The following DDX11 variants were observed in gnomAD, a reference collection of about 807,000 sequenced individuals.
The protein encoded by DDX11 is DEAD/H-box helicase 11.
In DDX11, 72 loss-of-function variants were observed where a neutral mutation model predicts 125.2. The observed-to-expected ratio is 0.58, with a 90% CI of 0.48 to 0.70. The LOEUF (loss-of-function observed/expected upper bound fraction) is 0.70. DDX11 is among the 30% of genes least tolerant of loss of function. The pLI is 0.00. For missense variants in DDX11, 883 were observed against 1,165.0 expected, an observed-to-expected ratio of 0.76 and a Z score of 3.52; for synonymous variants, 347 against 452.6, an observed-to-expected ratio of 0.77 and a Z score of 2.96.
At chr12:31,074,829 A>G (rs990358175) in intron 1 of DDX11, among the ~76,000 whole-genome samples, 2 of 152,232 alleles carry the variant, frequency 1.3e-5, no homozygotes, top group African/African-American at 4.8e-5. Flanking sequence ...TACCTGCCAC[A>G]TAGTTGTCTT....
rs1297688005 is a variant in DDX11, at chr12:31,083,523, T to C, written c.145-290T>C. Among the ~76,000 whole-genome samples, 5 of 152,288 alleles carry C rather than the reference T, an allele frequency of 3.3e-5. No homozygotes were observed. The East Asian group carries it at 9.6e-4, about 29-fold the overall frequency. On this transcript the variant is annotated intron_variant, in intron 2 of 26. Coordinates refer to ENST00000542838, the MANE Select transcript of DDX11 (RefSeq NM_030653.4). ...CTCCCCTTCTTCTAATTATGTGCGA[T>C]ATTTACATAGAATCTGATAAACTGC...
At chr12:31,079,758 C>G (rs1391310377) in intron 2 of DDX11, among the ~76,000 whole-genome samples, 1 of 152,194 alleles carries the variant, frequency 6.6e-6, no homozygotes, top group African/African-American at 2.4e-5. Flanking sequence ...TGGTGGCTGG[C>G]AAGATCCAAG....
chr12:31,089,339 G>A, intron 7 of DDX11, 64 bp from the exon 8 acceptor site: 3 of 1,577,116 alleles, frequency 1.9e-6, no homozygotes, highest in Non-Finnish European at 2.6e-6. Flanking sequence ...AGGTCCACGT[G>A]TGTTGGTAGG....
At chr12:31,093,719 T>TGAAAA (rs1944670311) in intron 12 of DDX11, 1 of 45,870 alleles carries the variant, frequency 2.2e-5, no homozygotes. Context: ...AGAATCAGTC[T>TGAAAA]CAAAAAAAAA....
rs149348685 is a variant in DDX11, at chr12:31,083,288, G to A, written c.145-525G>A. On this transcript the variant is annotated intron_variant, in intron 2 of 26. Coordinates refer to ENST00000542838, the MANE Select transcript of DDX11 (RefSeq NM_030653.4). ...TCCTCTCAAAAACAGACAGAGTGGT[G>A]TCTTCCAGAGTGATTAGTTTGCTTA... Among the ~76,000 whole-genome samples, 27 of 146,972 alleles carry A rather than the reference G, an allele frequency of 1.8e-4. No individual in the cohort carries two copies. In the East Asian group the frequency reaches 4.4e-3, roughly 24 times the overall value.
chr12:31,092,701 G>A (rs749863606), intron 10 of DDX11, 145 bp from the exon 11 acceptor site: 68 of 833,288 alleles, frequency 8.2e-5, no homozygotes, highest in Middle Eastern at 3.3e-4. Context: ...GTGGAAACCC[G>A]TACCTTTTGT....
At position 31,103,704 on chromosome 12, in the gene DDX11, T is replaced by C; in HGVS notation, c.2664T>C (p.Phe888=). 6.2e-7 allele frequency: 1 copy of C among 1,613,940 alleles called. No homozygotes were observed. The highest frequency in any genetic ancestry group is 8.5e-7 in the Non-Finnish European group (1 of 1,179,992). The change falls in exon 26 of 27, where the codon TTT becomes TTC. Residue 888 remains phenylalanine, a synonymous_variant. Transcript: ENST00000542838. ...CCCGTGTGGAGGTCAAAGCTACCTT[T>C]GGCCCCGCCATTGCTGCTGTGCAGA... The part of the protein sequence containing the change: ...IRARVEVKAT[F]GPAIAAVQKF...
At chr12:31,089,516 C>A in intron 8 of DDX11, 26 bp downstream of exon 8, 6 of 1,601,228 alleles carry the variant, frequency 3.7e-6, no homozygotes, top group South Asian at 1.1e-5. Context: ...ATGGTGTAGC[C>A]GCAGGTGGTC....
At position 31,095,796 on chromosome 12, in the gene DDX11, A is replaced by G. The variant is rs370462662; in HGVS notation, c.1483-545A>G. On this transcript the variant is annotated intron_variant, in intron 14 of 26. Transcript: ENST00000542838. ...GCTTTCCTTCTCCCCTCTTCTTCCCATGGGTCTCGGGTCTCATCACTCACC... is the reference window on the plus strand; with the variant it reads ...GCTTTCCTTCTCCCCTCTTCTTCCCGTGGGTCTCGGGTCTCATCACTCACC... 5.1e-4 allele frequency among the ~76,000 whole-genome samples: 77 copies of G among 151,732 alleles called. 1 individual carries two copies. In the East Asian group the frequency reaches 0.013, roughly 26 times the overall value.
intron 2 of DDX11, among the ~76,000 whole-genome samples, chr12:31,080,153 G>A (rs1033070514): frequency 6.8e-6 from 1 of 147,446 alleles, no homozygotes; most frequent in Admixed American, 6.8e-5. Flanking sequence ...CTCCTTTGTT[G>A]GGGGCCTCCA....
intron 1 of DDX11, chr12:31,078,132 G>A (rs933466484): frequency 8.0e-7 from 1 of 1,245,676 alleles, no homozygotes; most frequent in Non-Finnish European, 1.1e-6. Context: ...GTGAAATGCA[G>A]GGGAGATTGG....
Position 31,101,893 on chromosome 12 carries a change from T to A in DDX11, c.2113T>A (p.Cys705Ser). The change falls in exon 21 of 27, where the codon TGT becomes AGT. Residue 705 changes from cysteine (C) to serine (S), a missense_variant. By Grantham distance (112) the Cys-to-Ser change is moderately radical. This residue lies in a region of DDX11 where 285 missense variants were observed against 346.0 expected (regional missense o/e 0.82). Coordinates refer to ENST00000542838, the MANE Select transcript of DDX11 (RefSeq NM_030653.4). The part of the protein sequence containing the change: ...LCGVVPGGVV[C>S]FFPSYEYLRQ... ...CGGTGTGGTTCCTGGAGGGGTGGTC[T>A]GTTTCTTCCCCTCCTACGAGTACCT... 6.2e-7 allele frequency: 1 copy of A among 1,613,944 alleles called. No homozygotes were observed. The highest frequency in any genetic ancestry group is 1.1e-5 in the South Asian group (1 of 91,078).
At chr12:31,076,367 G>A (rs939591674) in intron 1 of DDX11, among the ~76,000 whole-genome samples, 29 of 152,156 alleles carry the variant, frequency 1.9e-4, no homozygotes, top group Non-Finnish European at 2.9e-4. Flanking sequence ...CTTGAAGTCC[G>A]AGCTGCCTTG....
intron 2 of DDX11, among the ~76,000 whole-genome samples, chr12:31,079,075 T>C (rs1256879534): frequency 6.6e-6 from 1 of 152,260 alleles, no homozygotes; most frequent in East Asian, 1.9e-4. Context: ...ACGGCTTTCT[T>C]ACCAACTCTT....
At chr12:31,101,004 G>A (rs368404620) in intron 19 of DDX11, 23 bp from the exon 20 acceptor site, 17 of 1,597,332 alleles carry the variant, frequency 1.1e-5, no homozygotes, top group South Asian at 2.2e-5. Context: ...TCCAGTTTTC[G>A]GCCCCTCCCT....
chr12:31,086,734 C>A (rs1943229626), intron 5 of DDX11, among the ~76,000 whole-genome samples: 1 of 148,680 alleles, frequency 6.7e-6, no homozygotes, highest in South Asian at 2.2e-4. Context: ...CTGGGGCTTC[C>A]CATGCCCTCA....
intron 25 of DDX11, 85 bp downstream of exon 25, chr12:31,103,480 C>T (rs2141058854): frequency 6.2e-7 from 1 of 1,605,092 alleles, no homozygotes. Context: ...GCCCTGTTTC[C>T]TATATAAGTC....
rs1050923798 is a variant in DDX11, at chr12:31,100,575, T to C, written c.1876-60T>C. ...TGTCTCTTAGCCCAGACTTCTCGCTTCCTTTCTGCTGGGCCTCTGAGGGGT... is the reference window on the plus strand; with the variant it reads ...TGTCTCTTAGCCCAGACTTCTCGCTCCCTTTCTGCTGGGCCTCTGAGGGGT... On this transcript the variant is annotated intron_variant, in intron 18 of 26. Coordinates refer to ENST00000542838, the MANE Select transcript of DDX11 (RefSeq NM_030653.4). The C allele has an allele frequency of 5.4e-6, 8 of 1,484,578 alleles. No individual in the cohort carries two copies. The African/African-American group carries it at 9.8e-5, about 18-fold the overall frequency. 92.0% of individuals were successfully genotyped at this position (1,484,578 alleles called of 1,614,324 possible). A position where few individuals can be genotyped will look rare whatever the true frequency, so the allele number is the denominator to read the frequency against.
Position 31,097,981 on chromosome 12 carries a change from G to A in DDX11, c.1859G>A (p.Gly620Glu), listed in dbSNP as rs776372339. 6.2e-7 allele frequency: 1 copy of A among 1,613,738 alleles called. No individual in the cohort carries two copies. Among genetic ancestry groups the A allele is most frequent in the Non-Finnish European group, 8.5e-7 (1 of 1,179,746 alleles). The change falls in exon 18 of 27, where the codon GGG becomes GAG. Residue 620 changes from glycine to glutamate, a missense_variant. By Grantham distance (98) the Gly-to-Glu change is moderately conservative. Coordinates refer to ENST00000542838, the MANE Select transcript of DDX11 (RefSeq NM_030653.4). ...GAATGCCGGGCAGTGGTCATTGCGGGGGGTACCATGCAGCCGGTAAGGACA... is the reference window on the plus strand; with the variant it reads ...GAATGCCGGGCAGTGGTCATTGCGGAGGGTACCATGCAGCCGGTAAGGACA... The part of the protein sequence containing the change: ...VKECRAVVIA[G>E]GTMQPVSDFR...
Sources: gnomAD v4.1 joint callset for allele counts (sites outside exome capture counted in the v4.1 genomes callset) on GRCh38, gnomAD v4.1.1 for gene constraint, gnomAD v4.1.1 regional missense constraint, MANE v1.5 for transcripts, NCBI Gene and HGNC (gene_info 2026-07-23, HGNC 2026-07-21) for gene names.